Variants in CRMP1 observed in about 807,000 individuals in gnomAD.
CRMP1 encodes collapsin response mediator protein 1.
A neutral mutation model predicts 68.3 loss-of-function variants in CRMP1; 19 were observed. The ratio of observed to expected loss-of-function variants is 0.28; its 90% CI spans 0.19 to 0.41. CRMP1 has a LOEUF of 0.41. Ranked by LOEUF, CRMP1 falls within the 10% of genes least tolerant of loss-of-function variation. CRMP1 has a pLI of 1.00. For synonymous variants in CRMP1, 439 were observed against 399.6 expected (o/e 1.10, Z -1.18); for missense variants, 791 against 967.4 (o/e 0.82, Z 2.42).
rs1437766760 is a variant in CRMP1, at chr4:5,838,271, G to A, written c.1310+1251C>T. Among the ~76,000 whole-genome samples the A allele has an allele frequency of 6.6e-6, 1 of 152,140 alleles. No homozygotes were observed. The highest frequency in any genetic ancestry group is 1.5e-5 in the Non-Finnish European group (1 of 68,028). ...TGGGACTGGACCGAGGGAGCCAAGG[G>A]CAGAGGAGGCCCAGGGAGGGAGGTT... is the stretch of plus-strand genomic sequence containing the variant. On this transcript the variant is annotated intron_variant, in intron 9 of 13. Coordinates refer to ENST00000324989, the MANE Select transcript of CRMP1 (RefSeq NM_001014809.3). The surrounding 1 kb of genome is among the most constrained non-coding windows in gnomAD (Gnocchi z 4.9).
At position 5,855,665 on chromosome 4, in the gene CRMP1, G is replaced by A. The variant is rs1713003583; in HGVS notation, c.820+478C>T. ...ACAATGGAAAAAGTGCCCCAAAGGAGGCCTAAGTAACCGGCATTGGCTATT... is the reference window on the plus strand; with the variant it reads ...ACAATGGAAAAAGTGCCCCAAAGGAAGCCTAAGTAACCGGCATTGGCTATT... On this transcript the variant is annotated intron_variant, in intron 4 of 13. Coordinates refer to ENST00000324989, the MANE Select transcript of CRMP1 (RefSeq NM_001014809.3). The surrounding 1 kb of genome is among the most constrained non-coding windows in gnomAD (Gnocchi z 4.9). Among the ~76,000 whole-genome samples, 1 of 152,184 alleles carries A rather than the reference G, an allele frequency of 6.6e-6. No individual in the cohort carries two copies. Among genetic ancestry groups the A allele is most frequent in the South Asian group, 2.1e-4 (1 of 4,826 alleles).
At position 5,830,529 on chromosome 4, in the gene CRMP1, A is replaced by AAAT. The variant is rs1720295277; in HGVS notation, c.1624-1864_1624-1862dup. On this transcript the variant is annotated intron_variant, in intron 11 of 13. Transcript: ENST00000324989. ...ACCATGGTTTGATTTGTTTGATAGTAAATAGTAGGGCAGAGGTTAAGCCTC... is the reference window on the plus strand; with the variant it reads ...ACCATGGTTTGATTTGTTTGATAGTAAATAATAGTAGGGCAGAGGTTAAGCCTC... Among the ~76,000 whole-genome samples, 9 of 152,230 alleles carry AAAT rather than the reference A, an allele frequency of 5.9e-5. No homozygotes were observed. In the South Asian group the frequency reaches 1.9e-3, roughly 31 times the overall value.
chr4:5,859,263 C>T lies in CRMP1; in HGVS notation c.655+1763G>A, dbSNP rs945030857. On this transcript the variant is annotated intron_variant, in intron 3 of 13. Coordinates refer to ENST00000324989, the MANE Select transcript of CRMP1 (RefSeq NM_001014809.3). The surrounding 1 kb of genome is among the most constrained non-coding windows in gnomAD (Gnocchi z 5.2). ...AGCCCTGGACTGTTGTCCTCGTGTG[C>T]TTTCATAGGCTCTTGTTCCATGAAA... 2.0e-5 allele frequency among the ~76,000 whole-genome samples: 3 copies of T among 152,174 alleles called. No homozygotes were observed. Among genetic ancestry groups the T allele is most frequent in the Admixed American group, 6.5e-5 (1 of 15,282 alleles).
In CRMP1 at chr4:5,866,749, C is replaced by T. The variant is rs934941436; in HGVS notation, c.389G>A (p.Arg130Gln). 13 of 1,609,910 alleles carry T rather than the reference C, an allele frequency of 8.1e-6. No individual in the cohort carries two copies. Among genetic ancestry groups the T allele is most frequent in the African/African-American group, 2.7e-5 (2 of 74,780 alleles). The change falls in exon 2 of 14, where the codon CGA becomes CAA. Residue 130 changes from arginine to glutamine, a missense_variant. Arg to Gln is a conservative substitution (Grantham distance 43). Around this residue, in one of 3 missense-constraint regions of CRMP1, gnomAD observed 594 missense variants for 763.6 expected, o/e 0.78. Transcript: ENST00000324989. The surrounding 1 kb of genome is among the most constrained non-coding windows in gnomAD (Gnocchi z 5.9). ...GATCCGTCCACCTTTGATGAGGAGT[C>T]GGTCACTCTGCAAAGCAAGGCAAAG... ...PLGRDNGQSD[R>Q]LLIKGGRIIN...
rs1285177774 is a variant in CRMP1 at position 5,861,411 on chromosome 4, G to C, written c.471-201C>G. 6.6e-6 allele frequency among the ~76,000 whole-genome samples: 1 copy of C among 152,202 alleles called. No individual in the cohort carries two copies. The highest frequency in any genetic ancestry group is 1.9e-4 in the East Asian group (1 of 5,192). On this transcript the variant is annotated intron_variant, in intron 2 of 13. Coordinates refer to ENST00000324989, the MANE Select transcript of CRMP1 (RefSeq NM_001014809.3). The surrounding 1 kb of genome is among the most constrained non-coding windows in gnomAD (Gnocchi z 6.0). The stretch of plus-strand genomic sequence containing the variant: ...AGGACGTAAGACAGGTGGGCAGACT[G>C]TTAGAGCCCAGTATAGCAGAGATGA...
In CRMP1 at chr4:5,890,934, G is replaced by T. The variant is rs1399820567; in HGVS notation, c.381+1655C>A. On this transcript the variant is annotated intron_variant, in intron 1 of 13. Transcript: ENST00000324989. The surrounding 1 kb of genome is among the most constrained non-coding windows in gnomAD (Gnocchi z 5.5). Reference sequence around the variant, plus strand: ...GACGGCCACCCCCATCTGACAGATGGAGAAGCTGAGGCCCAAGAGAGCAAA... The same window carrying T: ...GACGGCCACCCCCATCTGACAGATGTAGAAGCTGAGGCCCAAGAGAGCAAA... Among the ~76,000 whole-genome samples the T allele has an allele frequency of 6.6e-6, 1 of 152,162 alleles. No individual in the cohort carries two copies. Among genetic ancestry groups the T allele is most frequent in the Non-Finnish European group, 1.5e-5 (1 of 68,020 alleles).
chr4:5,888,006 C>T lies in CRMP1; in HGVS notation c.381+4583G>A, dbSNP rs1325528543. Among the ~76,000 whole-genome samples the T allele has an allele frequency of 2.4e-4, 36 of 151,980 alleles. No homozygotes were observed. Among genetic ancestry groups the T allele is most frequent in the Admixed American group, 2.2e-3 (34 of 15,284 alleles). ...GCAAGCCCGCGGGGAGAGGGACTCC[C>T]GGCTCCAGCCCCGCCCCGCCATGCG... On this transcript the variant is annotated intron_variant, in intron 1 of 13. Transcript: ENST00000324989. The surrounding 1 kb of genome is among the most constrained non-coding windows in gnomAD (Gnocchi z 6.4).
chr4:5,832,002 G>A (rs998838609), intron 11 of CRMP1, among the ~76,000 whole-genome samples: 2 of 152,136 alleles, frequency 1.3e-5, no homozygotes, highest in African/African-American at 4.8e-5. Flanking sequence ...GCCATCAAAG[G>A]AACATGGTAC....
At chr4:5,857,027 TCAC>T (rs1713162803) in intron 3 of CRMP1, among the ~76,000 whole-genome samples, 1 of 140,840 alleles carries the variant, frequency 7.1e-6, no homozygotes, top group African/African-American at 2.7e-5. Flanking sequence ...TCTGCTATCA[TCAC>T]CACCATCCAC....
In CRMP1 at chr4:5,866,638, T is replaced by C; in HGVS notation, c.470+30A>G. On this transcript the variant is annotated intron_variant, in intron 2 of 13. Transcript: ENST00000324989. This position sits in a 1 kb window ranked among gnomAD's most constrained non-coding sequence, Gnocchi z 5.9. ...GGCCAGGCAGCCTGGCGACACAGGT[T>C]TCTTAAAAGGTCCGTTTTGATCAAC... The C allele has an allele frequency of 6.4e-7, 1 of 1,566,270 alleles. No homozygotes were observed. The highest frequency in any genetic ancestry group is 8.8e-7 in the Non-Finnish European group (1 of 1,141,362).
At chr4:5,867,274 G>C (rs1714063001) in intron 1 of CRMP1, among the ~76,000 whole-genome samples, 1 of 152,170 alleles carries the variant, frequency 6.6e-6, no homozygotes, top group African/African-American at 2.4e-5. Context: ...TGAACCAACA[G>C]CCATACCAGG....
Position 5,839,049 on chromosome 4 carries a change from G to C in CRMP1, c.1310+473C>G, listed in dbSNP as rs1301326929. Among the ~76,000 whole-genome samples the C allele has an allele frequency of 2.0e-5, 3 of 152,238 alleles. No individual in the cohort carries two copies. In the East Asian group the frequency reaches 5.8e-4, roughly 29 times the overall value. On this transcript the variant is annotated intron_variant, in intron 9 of 13. Coordinates refer to ENST00000324989, the MANE Select transcript of CRMP1 (RefSeq NM_001014809.3). ...AGTGTGCGTGCACCACAGCAAGTGT[G>C]CTGCAGGCAGCAGCGGCCACTTCTG...
rs534648667 is a variant in CRMP1 at position 5,890,216 on chromosome 4, G to A, written c.381+2373C>T. 1 of 161,794 alleles carries A rather than the reference G, an allele frequency of 6.2e-6. No individual in the cohort carries two copies. Among genetic ancestry groups the A allele is most frequent in the Non-Finnish European group, 1.4e-5 (1 of 73,082 alleles). The allele number at this position is 161,794 out of a possible 1,614,324, so 10.0% of individuals were successfully genotyped here. On this transcript the variant is annotated intron_variant, in intron 1 of 13. Transcript: ENST00000324989. This position sits in a 1 kb window ranked among gnomAD's most constrained non-coding sequence, Gnocchi z 5.5. ...GGGCGTTCCCTGGGGTCAGTCTGGA[G>A]ATCTGAGCAGAAAGCCCCTACAGCA...
In CRMP1 at chr4:5,841,610, C is replaced by A. The variant is rs899411238; in HGVS notation, c.1033-182G>T. Reference sequence around the variant, plus strand: ...TCTCCGGGGTGGAGCATTGGTCTCACGCTGGGATACGGCAGCAACATCCAA... The same window carrying A: ...TCTCCGGGGTGGAGCATTGGTCTCAAGCTGGGATACGGCAGCAACATCCAA... On this transcript the variant is annotated intron_variant, in intron 7 of 13. Coordinates refer to ENST00000324989, the MANE Select transcript of CRMP1 (RefSeq NM_001014809.3). The surrounding 1 kb of genome is among the most constrained non-coding windows in gnomAD (Gnocchi z 6.9). 5.3e-5 allele frequency among the ~76,000 whole-genome samples: 8 copies of A among 152,186 alleles called. No individual in the cohort carries two copies. Among genetic ancestry groups the A allele is most frequent in the Non-Finnish European group, 1.5e-5 (1 of 68,036 alleles).
chr4:5,888,218 G>A lies in CRMP1; in HGVS notation c.381+4371C>T, dbSNP rs926763500. On this transcript the variant is annotated intron_variant, in intron 1 of 13. Coordinates refer to ENST00000324989, the MANE Select transcript of CRMP1 (RefSeq NM_001014809.3). This position sits in a 1 kb window ranked among gnomAD's most constrained non-coding sequence, Gnocchi z 6.4. ...GCCAGCGCGGGGCGGCGGGGGCGGG[G>A]GCCGCTTACCGTGATGTGCGGGATG... 2 of 1,266,562 alleles carry A rather than the reference G, an allele frequency of 1.6e-6. No homozygotes were observed. Among genetic ancestry groups the A allele is most frequent in the Non-Finnish European group, 2.0e-6 (2 of 1,001,160 alleles). The allele number at this position is 1,266,562 out of a possible 1,614,324, so 78.5% of individuals were successfully genotyped here. A position where few individuals can be genotyped will look rare whatever the true frequency, so the allele number is the denominator to read the frequency against.
chr4:5,864,636 C>T (rs1432889257), intron 2 of CRMP1, among the ~76,000 whole-genome samples: 1 of 152,206 alleles, frequency 6.6e-6, no homozygotes, highest in Non-Finnish European at 1.5e-5. Context: ...CTGCAACAGA[C>T]AGCAGCTCAC....
chr4:5,885,149 A>G (rs2152475993), intron 1 of CRMP1, among the ~76,000 whole-genome samples: 1 of 152,282 alleles, frequency 6.6e-6, no homozygotes, highest in African/African-American at 2.4e-5. Flanking sequence ...AGACACCACC[A>G]TCATCGTCAA....
intron 12 of CRMP1, chr4:5,826,815 C>T (rs1262490519): frequency 2.6e-5 from 4 of 152,548 alleles, no homozygotes; most frequent in Non-Finnish European, 5.9e-5. Context: ...TGATAGCACC[C>T]TGACCCCCAG....
intron 1 of CRMP1, chr4:5,887,877 C>T (rs1273679672): frequency 3.4e-5 from 31 of 919,256 alleles, no homozygotes; most frequent in Non-Finnish European, 3.7e-5. Flanking sequence ...CCGCGCGAGG[C>T]CTGCGGGGAG....
Sources: gnomAD v4.1 joint callset for allele counts (sites outside exome capture counted in the v4.1 genomes callset) on GRCh38, gnomAD v4.1.1 for gene constraint, gnomAD v4.1.1 regional missense constraint, Gnocchi (gnomAD v3.1) non-coding constraint, MANE v1.5 for transcripts, NCBI Gene and HGNC (gene_info 2026-07-23, HGNC 2026-07-21) for gene names.